DMGDH: variants seen among roughly 807,000 people sequenced by gnomAD.
DMGDH encodes the protein dimethylglycine dehydrogenase, mitochondrial.
DMGDH carries 76 observed loss-of-function variants against 95.2 expected under a neutral mutation model. That is an observed-to-expected ratio of 0.80 (90% confidence interval 0.66 to 0.97). The LOEUF (loss-of-function observed/expected upper bound fraction) is 0.97. Among genes scored for constraint, DMGDH ranks in the 50% least tolerant of loss-of-function variants. The probability of loss-of-function intolerance (pLI) is 0.00; values close to 1 mark genes in which losing one functional copy is unlikely to be tolerated. For missense variants in DMGDH, 987 were observed against 1,055.0 expected (o/e 0.94, Z 0.89); for synonymous variants, 345 against 377.6 (o/e 0.91, Z 1.00).
At chr5:79,005,820 C>T (rs1753537910) in intron 14 of DMGDH, among the ~76,000 whole-genome samples, 1 of 152,136 alleles carries the variant, frequency 6.6e-6, no homozygotes, top group Non-Finnish European at 1.5e-5. Context: ...TTTTTTGAAA[C>T]ATGGTGCTAA....
intron 1 of DMGDH, among the ~76,000 whole-genome samples, chr5:79,066,699 T>G (rs1241422476): frequency 1.3e-5 from 2 of 152,222 alleles, no homozygotes; most frequent in Non-Finnish European, 2.9e-5. Flanking sequence ...ATCATGAAAC[T>G]GATGTTGACT....
chr5:79,030,658 AAAAAAAAAGAAAAG>A (rs1268904299), intron 10 of DMGDH, 161 bp downstream of exon 10: 5 of 683,416 alleles, frequency 7.3e-6, no homozygotes, highest in African/African-American at 3.7e-5. Flanking sequence ...AAAAAAAAAA[AAAAAAAAAGAAAAG>A]AAAAAAAGAA....
intron 5 of DMGDH, 130 bp from the exon 6 acceptor site, chr5:79,044,682 A>C: frequency 3.1e-5 from 33 of 1,067,478 alleles, no homozygotes; most frequent in Non-Finnish European, 3.9e-5. Flanking sequence ...AATAAATGTC[A>C]TAACAATCTA....
chr5:79,049,634 A>C (rs1178623209), intron 5 of DMGDH, among the ~76,000 whole-genome samples: 2 of 152,252 alleles, frequency 1.3e-5, no homozygotes, highest in African/African-American at 4.8e-5. Context: ...CTTAGAAAAA[A>C]GTCTGAATTA....
chr5:79,030,769 CAT>C lies in DMGDH; in HGVS notation c.1683+62_1683+63del, dbSNP rs1445534453. On this transcript the variant is annotated intron_variant, in intron 10 of 15. Transcript: ENST00000255189. Reference sequence around the variant, plus strand: ...GAAATCATTAGGTGAACTAAAATAACATATGGGATGAAGAATTAAATAGGTCA... The same window carrying C: ...GAAATCATTAGGTGAACTAAAATAACATGGGATGAAGAATTAAATAGGTCA... 47 of 1,556,284 alleles carry C rather than the reference CAT, an allele frequency of 3.0e-5. 1 individual carries two copies. The East Asian group carries it at 9.1e-4, about 30-fold the overall frequency.
intron 5 of DMGDH, among the ~76,000 whole-genome samples, chr5:79,049,213 T>G (rs549434214): frequency 6.6e-6 from 1 of 152,312 alleles, no homozygotes; most frequent in African/African-American, 2.4e-5. Context: ...AGGTCAGATC[T>G]CTTTGGAGAT....
At position 79,051,328 on chromosome 5, in the gene DMGDH, G is replaced by C; in HGVS notation, c.704C>G (p.Pro235Arg). ...TCTATTTGCTCTCATAGACCCCTGT[G>C]GTGTTTCAACGTCCCATGTTCCATC... ...RSDGTWDVET[P>R]QGSMRANRIV... Residue 235 changes from proline to arginine, a missense_variant, in exon 5 of 16, where the codon CCA (proline) becomes CGA (arginine). Pro to Arg is a moderately radical substitution (Grantham distance 103). Transcript: ENST00000255189. 6.2e-7 allele frequency: 1 copy of C among 1,614,142 alleles called. No individual in the cohort carries two copies. The highest frequency in any genetic ancestry group is 1.1e-5 in the South Asian group (1 of 91,080).
intron 2 of DMGDH, among the ~76,000 whole-genome samples, chr5:79,060,152 T>C (rs1361719995): frequency 6.6e-6 from 1 of 152,224 alleles, no homozygotes; most frequent in Non-Finnish European, 1.5e-5. Flanking sequence ...GCTTAACTTC[T>C]TTCTTACATT....
rs746474694 is a variant in DMGDH, at chr5:79,005,422, GATA to G, written c.2251-18_2251-16del. ...AAGTCTGCTGGCTGCAGGAATCCAA[GATA>G]ATGATGATGAATGAATGCTCAGACA... is the stretch of plus-strand genomic sequence containing the variant. On this transcript the variant is annotated splice_polypyrimidine_tract_variant and intron_variant, in intron 14 of 15. Coordinates refer to ENST00000255189, the MANE Select transcript of DMGDH (RefSeq NM_013391.3). The G allele has an allele frequency of 1.1e-5, 18 of 1,613,898 alleles. No homozygotes were observed. Among genetic ancestry groups the G allele is most frequent in the Non-Finnish European group, 1.4e-5 (16 of 1,179,994 alleles).
chr5:79,054,201 A>C lies in DMGDH; in HGVS notation c.523T>G (p.Leu175Val). Residue 175 changes from leucine to valine, a missense_variant, in exon 4 of 16, where the codon TTA becomes GTA. By Grantham distance (32) the Leu-to-Val change is conservative. Coordinates refer to ENST00000255189, the MANE Select transcript of DMGDH (RefSeq NM_013391.3). ...ATAAATACCTTATTCATGTTGAGTA[A>C]AGGGAACATCTCTTGAATTTTTTCA... The part of the protein sequence containing the change: ...EPEKIQEMFP[L>V]LNMNKVLAGL... 1 of 1,614,090 alleles carries C rather than the reference A, an allele frequency of 6.2e-7. No individual in the cohort carries two copies. The highest frequency in any genetic ancestry group is 8.5e-7 in the Non-Finnish European group (1 of 1,179,994).
At chr5:79,063,467 A>C (rs913251309) in intron 2 of DMGDH, 146 bp downstream of exon 2, 1 of 862,010 alleles carries the variant, frequency 1.2e-6, no homozygotes, top group Non-Finnish European at 1.9e-6. Context: ...CTGGAAGTAC[A>C]CCAGTTAAAC....
intron 14 of DMGDH, among the ~76,000 whole-genome samples, chr5:79,015,641 C>T (rs746438595): frequency 2.6e-5 from 4 of 152,170 alleles, no homozygotes; most frequent in Non-Finnish European, 5.9e-5. Flanking sequence ...GTATGGCCAG[C>T]ACCTGTACTC....
At chr5:79,026,647 G>A in intron 12 of DMGDH, 66 bp from the exon 13 acceptor site, 1 of 1,604,166 alleles carries the variant, frequency 6.2e-7, no homozygotes, top group Middle Eastern at 1.7e-4. Flanking sequence ...ATGTGCATTA[G>A]CTAGAACACA....
In DMGDH at chr5:79,055,887, G is replaced by A. The variant is rs1162168317; in HGVS notation, c.298C>T (p.His100Tyr). 3 of 1,610,756 alleles carry A rather than the reference G, an allele frequency of 1.9e-6. No homozygotes were observed. Among genetic ancestry groups the A allele is most frequent in the Non-Finnish European group, 2.5e-6 (3 of 1,177,180 alleles). The change falls in exon 3 of 16, where the codon CAT becomes TAT. Residue 100 changes from histidine (H) to tyrosine (Y), a missense_variant. Physicochemically the swap from His to Tyr is moderately conservative, Grantham distance 83 (BLOSUM62 2). Transcript: ENST00000255189. ...WHAAGLTTYF[H>Y]PGINLKKIHY... The stretch of plus-strand genomic sequence containing the variant: ...ATTTTCTTCAAGTTTATTCCAGGAT[G>A]AAAGTAAGTTGTTAAACCTGCCTTA...
chr5:79,033,229 T>C lies in DMGDH; in HGVS notation c.1363+10A>G. On this transcript the variant is annotated intron_variant, in intron 8 of 15. Transcript: ENST00000255189. Reference sequence around the variant, plus strand: ...AACACTTTGTAGACAACAGTACATTTGTACCTTACCAATATTGTTGAATCC... The same window carrying C: ...AACACTTTGTAGACAACAGTACATTCGTACCTTACCAATATTGTTGAATCC... 6.2e-7 allele frequency: 1 copy of C among 1,614,090 alleles called. No homozygotes were observed. The highest frequency in any genetic ancestry group is 8.5e-7 in the Non-Finnish European group (1 of 1,179,968).
Position 79,044,434 on chromosome 5 carries a change from C to G in DMGDH, c.864G>C (p.Leu288=), listed in dbSNP as rs248385. 0.54 allele frequency: 867,341 copies of G among 1,613,510 alleles called. 235,572 individuals are homozygous for G. The highest frequency in any genetic ancestry group is 0.77 in the East Asian group (34,398 of 44,870). The part of the protein sequence containing the change: ...ISEVKALKRE[L]PVLRDLEGSY... ...ATCCTTCCAGGTCACGGAGCACAGGCAGTTCTCGTTTCAAAGCTTTCACTT... is the reference window on the plus strand; with the variant it reads ...ATCCTTCCAGGTCACGGAGCACAGGGAGTTCTCGTTTCAAAGCTTTCACTT... The change falls in exon 6 of 16, where the codon CTG becomes CTC. Residue 288 remains leucine (L), a synonymous_variant. Transcript: ENST00000255189.
chr5:79,069,608 C>A lies in DMGDH; in HGVS notation c.13G>T (p.Gly5Cys). The change falls in exon 1 of 16, where the codon GGC (glycine) becomes TGC (cysteine). Residue 5 changes from glycine (G) to cysteine (C), a missense_variant. Physicochemically the swap from Gly to Cys is radical, Grantham distance 159. Transcript: ENST00000255189. ...AGGAGGCCCCGCAGCAGCTGCGCGCCGGGACGGAGCATGACTAGGCCGAGG... is the reference window on the plus strand; with the variant it reads ...AGGAGGCCCCGCAGCAGCTGCGCGCAGGGACGGAGCATGACTAGGCCGAGG... Reference protein sequence around the residue: MLRPGAQLLRGLLLR... With the variant: MLRPCAQLLRGLLLR... The A allele has an allele frequency of 7.3e-7, 1 of 1,372,584 alleles. No homozygotes were observed. The highest frequency in any genetic ancestry group is 9.4e-7 in the Non-Finnish European group (1 of 1,061,122). 85.0% of individuals were successfully genotyped at this position (1,372,584 alleles called of 1,614,324 possible). A position where few individuals can be genotyped will look rare whatever the true frequency, so the allele number is the denominator to read the frequency against.
rs372464439 is a variant in DMGDH at position 79,009,360 on chromosome 5, C to CTTT, written c.2251-3956_2251-3954dup. On this transcript the variant is annotated intron_variant, in intron 14 of 15. Transcript: ENST00000255189. ...TTTCTTTCTTCTTTTCTTTTCTTTTCTTTTCTTTTTTTTTTTTTGAGACAG... is the reference window on the plus strand; with the variant it reads ...TTTCTTTCTTCTTTTCTTTTCTTTTCTTTTTTTCTTTTTTTTTTTTTGAGACAG... Among the ~76,000 whole-genome samples, 341 of 107,662 alleles carry CTTT rather than the reference C, an allele frequency of 3.2e-3. 11 individuals are homozygous for CTTT. The highest frequency in any genetic ancestry group is 0.013 in the South Asian group (41 of 3,268). The allele number at this position is 107,662 out of a possible 152,430, so 70.6% of individuals were successfully genotyped here.
intron 14 of DMGDH, among the ~76,000 whole-genome samples, chr5:79,017,715 G>A (rs539315239): frequency 6.6e-6 from 1 of 152,314 alleles, no homozygotes; most frequent in Admixed American, 6.5e-5. Flanking sequence ...TGTTCACAGT[G>A]TCAGCTGACT....
Sources: allele counts gnomAD v4.1 joint callset (sites outside exome capture counted in the v4.1 genomes callset), GRCh38; gene constraint gnomAD v4.1.1; transcripts MANE v1.5; gene names NCBI Gene and HGNC (gene_info 2026-07-23, HGNC 2026-07-21).